The following GRIK2 variants were observed in gnomAD, a reference collection of about 807,000 sequenced individuals.
GRIK2 encodes glutamate ionotropic receptor kainate type subunit 2, also known as glutamate receptor ionotropic, kainate 2.
Under a neutral mutation model 100.3 loss-of-function variants are expected in GRIK2, and 32 were observed. The observed-to-expected ratio is 0.32, with a 90% CI of 0.24 to 0.43. GRIK2 has a LOEUF of 0.43. Ranked by LOEUF, GRIK2 falls within the 20% of genes least tolerant of loss-of-function variation. The pLI is 1.00. For synonymous variants in GRIK2, 417 were observed against 389.4 expected, an observed-to-expected ratio of 1.07 and a Z score of -0.83; for missense variants, 843 against 1,114.9, an observed-to-expected ratio of 0.76 and a Z score of 3.47.
chr6:101,508,014 T>A (rs1774109292), intron 2 of GRIK2, among the ~76,000 whole-genome samples: 1 of 152,016 alleles, frequency 6.6e-6, no homozygotes, highest in Admixed American at 6.6e-5. Flanking sequence ...TAAAAGAAAG[T>A]AATGAAGTAG....
chr6:101,434,239 G>A (rs994547941), intron 2 of GRIK2, among the ~76,000 whole-genome samples: 2 of 152,334 alleles, frequency 1.3e-5, no homozygotes, highest in East Asian at 3.9e-4. Flanking sequence ...AAGAGAGGAT[G>A]CAATGGGATA....
intron 2 of GRIK2, among the ~76,000 whole-genome samples, chr6:101,531,604 A>C (rs936764052): frequency 6.6e-6 from 1 of 151,858 alleles, no homozygotes; most frequent in Non-Finnish European, 1.5e-5. Context: ...AGAGACTTCC[A>C]AATGAAAGGG....
At chr6:101,607,023 A>G (rs1378184013) in intron 2 of GRIK2, among the ~76,000 whole-genome samples, 2 of 151,988 alleles carry the variant, frequency 1.3e-5, no homozygotes, top group African/African-American at 2.4e-5. Flanking sequence ...GTCCTCTGCT[A>G]AAACCTAAAT....
chr6:101,808,491 A>G (rs1781136110), intron 9 of GRIK2, among the ~76,000 whole-genome samples: 2 of 151,992 alleles, frequency 1.3e-5, no homozygotes, highest in South Asian at 4.1e-4. Flanking sequence ...TTTTACTGTT[A>G]CACTTTCCTG....
intron 16 of GRIK2, among the ~76,000 whole-genome samples, chr6:102,060,288 T>C (rs1771681902): frequency 6.6e-6 from 1 of 150,758 alleles, no homozygotes; most frequent in Non-Finnish European, 1.5e-5. Flanking sequence ...TCTTCAGTGT[T>C]TAGAGGAATA....
Position 101,818,481 on chromosome 6 carries a change from T to G in GRIK2, c.1315T>G (p.Leu439Val). The G allele has an allele frequency of 6.6e-7, 1 of 1,519,090 alleles. No individual in the cohort carries two copies. The highest frequency in any genetic ancestry group is 9.1e-7 in the Non-Finnish European group (1 of 1,093,592). The allele number at this position is 1,519,090 out of a possible 1,614,324, so 94.1% of individuals were successfully genotyped here. ...TCGTTCTTTGATTGTTACCACCATTTTGGTAAGTATTTGCTTTTCCATTAT... is the reference window on the plus strand; with the variant it reads ...TCGTTCTTTGATTGTTACCACCATTGTGGTAAGTATTTGCTTTTCCATTAT... ...SNRSLIVTTI[L>V]EEPYVLFKKS... The change falls in exon 10 of 17, where the codon TTG (leucine) becomes GTG (valine). Residue 439 changes from leucine (L) to valine (V), a missense_variant and splice_region_variant. Physicochemically the swap from Leu to Val is conservative, Grantham distance 32. This residue lies in a region of GRIK2 where 519 missense variants were observed against 643.8 expected (regional missense o/e 0.81). Transcript: ENST00000369134.
chr6:101,856,675 G>A lies in GRIK2; in HGVS notation c.1318-2612G>A, dbSNP rs539176363. ...GAGGATTGAGAAATAGTAGGGAAAC[G>A]TGAGTTCACTGAATTGGGGGTCTTT... On this transcript the variant is annotated intron_variant, in intron 10 of 16. Transcript: ENST00000369134. 3.9e-4 allele frequency among the ~76,000 whole-genome samples: 60 copies of A among 152,240 alleles called. 1 individual carries two copies. The highest frequency in any genetic ancestry group is 6.8e-3 in the Middle Eastern group (2 of 292).
At chr6:101,462,839 T>A (rs1024186170) in intron 2 of GRIK2, among the ~76,000 whole-genome samples, 2 of 151,830 alleles carry the variant, frequency 1.3e-5, no homozygotes, top group East Asian at 1.9e-4. Context: ...GGGTCGAGGG[T>A]GGGGTTTAGT....
intron 2 of GRIK2, among the ~76,000 whole-genome samples, chr6:101,602,243 A>C (rs962847872): frequency 6.0e-5 from 9 of 150,800 alleles, no homozygotes; most frequent in Non-Finnish European, 1.5e-5. Flanking sequence ...GTTTTGGGAG[A>C]TCTTTTTGGT....
intron 11 of GRIK2, among the ~76,000 whole-genome samples, chr6:101,868,291 C>G (rs1227441770): frequency 6.7e-6 from 1 of 149,850 alleles, no homozygotes; most frequent in Non-Finnish European, 1.5e-5. Context: ...TTTCATCGCT[C>G]AAACAAAATG....
At chr6:101,431,429 G>A (rs6909593) in intron 2 of GRIK2, 7,290 of 152,312 alleles carry the variant, frequency 0.048, 348 homozygotes, top group African/African-American at 0.12. Context: ...TGCTGGGGGC[G>A]CCCAACAATG....
chr6:101,934,552 A>T (rs1165441393), intron 14 of GRIK2, among the ~76,000 whole-genome samples: 1 of 152,032 alleles, frequency 6.6e-6, no homozygotes, highest in East Asian at 1.9e-4. Flanking sequence ...TTTTGCTTTC[A>T]GTATACTACA....
intron 14 of GRIK2, among the ~76,000 whole-genome samples, chr6:102,025,068 C>T (rs1338394462): frequency 1.3e-5 from 2 of 151,144 alleles, no homozygotes; most frequent in Non-Finnish European, 3.0e-5. Flanking sequence ...AAATTGACTT[C>T]TAGAGAGATA....
intron 4 of GRIK2, among the ~76,000 whole-genome samples, chr6:101,650,433 CCT>C (rs1781730692): frequency 1.3e-5 from 2 of 152,052 alleles, no homozygotes; most frequent in Non-Finnish European, 2.9e-5. Context: ...TCCAAATTCC[CCT>C]GTCAAAGAAT....
intron 14 of GRIK2, among the ~76,000 whole-genome samples, chr6:102,019,191 C>A (rs759418060): frequency 3.9e-5 from 6 of 151,934 alleles, no homozygotes; most frequent in Non-Finnish European, 7.4e-5. Context: ...AGTCAAACTG[C>A]CATCTCAAAA....
intron 10 of GRIK2, among the ~76,000 whole-genome samples, chr6:101,825,326 A>G: frequency 6.6e-6 from 1 of 152,096 alleles, no homozygotes; most frequent in Non-Finnish European, 1.5e-5. Flanking sequence ...TTGCTCTGAT[A>G]ACTCAGTGTG....
chr6:101,640,360 C>G (rs1440478600), intron 4 of GRIK2, among the ~76,000 whole-genome samples: 1 of 152,140 alleles, frequency 6.6e-6, no homozygotes, highest in Non-Finnish European at 1.5e-5. Flanking sequence ...ATTGCTTTAG[C>G]TGATGAAATG....
At chr6:101,460,947 A>G (rs1414980195) in intron 2 of GRIK2, among the ~76,000 whole-genome samples, 2 of 152,228 alleles carry the variant, frequency 1.3e-5, no homozygotes, top group Non-Finnish European at 2.9e-5. Flanking sequence ...GAGGTAAAAT[A>G]TAAGTATTTT....
intron 16 of GRIK2, among the ~76,000 whole-genome samples, chr6:102,059,869 T>A (rs1298253457): frequency 2.7e-5 from 4 of 150,506 alleles, no homozygotes; most frequent in African/African-American, 4.8e-5. Flanking sequence ...ATGTATTTGC[T>A]TATACAAATT....
Sources: allele counts gnomAD v4.1 joint callset (sites outside exome capture counted in the v4.1 genomes callset), GRCh38; gene constraint gnomAD v4.1.1; regional missense constraint gnomAD v4.1.1; transcripts MANE v1.5; gene names NCBI Gene and HGNC (gene_info 2026-07-23, HGNC 2026-07-21).